The following NSD3 variants were observed in gnomAD, a reference collection of about 807,000 sequenced individuals.
NSD3 encodes nuclear receptor binding SET domain protein 3, also known as histone-lysine N-methyltransferase NSD3.
NSD3 carries 24 observed loss-of-function variants against 160.8 expected under a neutral mutation model. That is an observed-to-expected ratio of 0.15 (90% CI 0.11 to 0.21). The LOEUF (loss-of-function observed/expected upper bound fraction) is 0.21. NSD3 is among the 10% of genes least tolerant of loss of function. The pLI, the probability that NSD3 is intolerant of heterozygous loss-of-function variation, is 1.00. For synonymous variants in NSD3, 520 were observed against 600.0 expected (o/e 0.87, Z 1.95); for missense variants, 1,157 against 1,735.9 (o/e 0.67, Z 5.93).
intron 12 of NSD3, among the ~76,000 whole-genome samples, chr8:38,306,303 C>T (rs7839377): frequency 2.4e-4 from 36 of 151,822 alleles, no homozygotes; most frequent in Middle Eastern, 3.4e-3. Flanking sequence ...TTTAGATGAA[C>T]GGACAGATTC....
chr8:38,351,859 C>A (rs558912715), intron 1 of NSD3, among the ~76,000 whole-genome samples: 2 of 141,494 alleles, frequency 1.4e-5, no homozygotes, highest in Admixed American at 7.0e-5. Flanking sequence ...CATCACACAC[C>A]GGGGCCTGTT....
intron 16 of NSD3, among the ~76,000 whole-genome samples, chr8:38,293,814 T>C (rs1347591302): frequency 2.7e-5 from 4 of 148,578 alleles, no homozygotes; most frequent in Non-Finnish European, 5.9e-5. Context: ...TCCCAGCTAC[T>C]TGGGAGGCTG....
intron 1 of NSD3, among the ~76,000 whole-genome samples, chr8:38,357,307 C>T (rs1174353561): frequency 6.6e-6 from 1 of 151,988 alleles, no homozygotes; most frequent in Admixed American, 6.6e-5. Context: ...TAAAATCCTT[C>T]AATGGTTTCC....
At chr8:38,282,210 G>T (rs1469773168) in intron 19 of NSD3, among the ~76,000 whole-genome samples, 1 of 152,116 alleles carries the variant, frequency 6.6e-6, no homozygotes, top group Admixed American at 6.6e-5. Context: ...GTTTTAGCAG[G>T]CGTAGGATCA....
chr8:38,329,507 C>G lies in NSD3; in HGVS notation c.1452G>C (p.Thr484=). Reference sequence around the variant, plus strand: ...GCAAATCCAGGCTCCCTTTGTGCATCGTAATGGAAGCTGGTAAGGATTTCC... The same window carrying G: ...GCAAATCCAGGCTCCCTTTGTGCATGGTAATGGAAGCTGGTAAGGATTTCC... ...AARKSLPASI[T]MHKGSLDLQK... The change falls in exon 6 of 24, where the codon ACG becomes ACC. Residue 484 remains threonine (T), a synonymous_variant. Coordinates refer to ENST00000317025, the MANE Select transcript of NSD3 (RefSeq NM_023034.2). The surrounding 1 kb of genome is among the most constrained non-coding windows in gnomAD (Gnocchi z 4.8). 1 of 1,614,216 alleles carries G rather than the reference C, an allele frequency of 6.2e-7. No individual in the cohort carries two copies.
chr8:38,318,971 A>T lies in NSD3; in HGVS notation c.1810-31T>A. On this transcript the variant is annotated intron_variant, in intron 8 of 23. Coordinates refer to ENST00000317025, the MANE Select transcript of NSD3 (RefSeq NM_023034.2). The surrounding 1 kb of genome is among the most constrained non-coding windows in gnomAD (Gnocchi z 5.3). ...TGGACAGAAAAATACAGCATTAACA[A>T]AGAATTTTTTTCCCTTTTAATTATT... is the stretch of plus-strand genomic sequence containing the variant. 1 of 1,585,506 alleles carries T rather than the reference A, an allele frequency of 6.3e-7. No individual in the cohort carries two copies.
intron 1 of NSD3, among the ~76,000 whole-genome samples, chr8:38,368,401 T>C (rs910495301): frequency 2.0e-5 from 3 of 152,228 alleles, no homozygotes; most frequent in Admixed American, 2.0e-4. Context: ...AGGATGATGA[T>C]TAAAGACATT....
intron 1 of NSD3, 51 bp downstream of exon 1, chr8:38,381,746 GCA>G (rs58263746): frequency 0.2 from 28,998 of 144,526 alleles, 3,348 homozygotes; most frequent in South Asian, 0.37. Flanking sequence ...GCGCGCGCGC[GCA>G]CACACACACA....
intron 11 of NSD3, 80 bp from the exon 12 acceptor site, chr8:38,314,853 ACCGGGTC>A: frequency 6.8e-7 from 1 of 1,468,106 alleles, no homozygotes; most frequent in Non-Finnish European, 9.3e-7. Context: ...AACACAAATT[ACCGGGTC>A]CCTCACCCAC....
chr8:38,292,837 T>C (rs574268749), intron 16 of NSD3, among the ~76,000 whole-genome samples: 28 of 151,782 alleles, frequency 1.8e-4, no homozygotes, highest in Admixed American at 3.3e-4. Flanking sequence ...CCAGGCATCA[T>C]GGCATGCATC....
rs557248510 is a variant in NSD3 at position 38,364,409 on chromosome 8, C to T, written c.-44-16194G>A. ...TTGTCCCTGGACAACCAGGAAAAGC[C>T]ATTAGATTTTAATTGCTGGTAGGGT... On this transcript the variant is annotated intron_variant, in intron 1 of 23. Transcript: ENST00000317025. 2.0e-5 allele frequency among the ~76,000 whole-genome samples: 3 copies of T among 152,286 alleles called. No individual in the cohort carries two copies. In the South Asian group the frequency reaches 6.2e-4, roughly 32 times the overall value.
chr8:38,281,582 C>A lies in NSD3; in HGVS notation c.3503G>T (p.Gly1168Val). 6.3e-7 allele frequency: 1 copy of A among 1,591,680 alleles called. No homozygotes were observed. Among genetic ancestry groups the A allele is most frequent in the Non-Finnish European group, 8.6e-7 (1 of 1,168,552 alleles). The change falls in exon 20 of 24, where the codon GGT (glycine) becomes GTT (valine). Residue 1168 changes from glycine to valine, a missense_variant and splice_region_variant. This residue lies in a region of NSD3 where 222 missense variants were observed against 409.9 expected (regional missense o/e 0.54). Coordinates refer to ENST00000317025, the MANE Select transcript of NSD3 (RefSeq NM_023034.2). ...ACCGACGTATTCATTTACAAATTCA[C>A]CCTGGAGATAAATGTGCAATATGTA... ...GLRTKRSIKKGEFVNEYVGEL... is the reference protein window; with the variant it reads ...GLRTKRSIKKVEFVNEYVGEL...
intron 12 of NSD3, 139 bp from the exon 13 acceptor site, chr8:38,305,584 T>A: frequency 1.4e-6 from 1 of 714,700 alleles, no homozygotes; most frequent in Non-Finnish European, 2.2e-6. Context: ...AAAAAAAATT[T>A]AAAATAAATG....
chr8:38,357,166 A>T, intron 1 of NSD3, among the ~76,000 whole-genome samples: 1 of 148,888 alleles, frequency 6.7e-6, no homozygotes. Flanking sequence ...TGATATCATT[A>T]TTTAAGCATT....
chr8:38,310,542 T>C (rs1222065207), intron 12 of NSD3, among the ~76,000 whole-genome samples: 9 of 152,048 alleles, frequency 5.9e-5, no homozygotes, highest in Admixed American at 1.3e-4. Context: ...AGTCTCACTC[T>C]GGTTGCCCAG....
intron 4 of NSD3, among the ~76,000 whole-genome samples, chr8:38,333,311 A>G (rs1392962750): frequency 6.6e-6 from 1 of 152,188 alleles, no homozygotes; most frequent in African/African-American, 2.4e-5. Context: ...CATTTTGCCT[A>G]TTTGTTAGCA....
At chr8:38,306,383 TA>T (rs1285306062) in intron 12 of NSD3, among the ~76,000 whole-genome samples, 1 of 151,840 alleles carries the variant, frequency 6.6e-6, no homozygotes, top group African/African-American at 2.4e-5. Context: ...TGTAAACTAT[TA>T]AAAGAAATTG....
chr8:38,373,419 T>C lies in NSD3; in HGVS notation c.-45+8380A>G, dbSNP rs535745801. On this transcript the variant is annotated intron_variant, in intron 1 of 23. Coordinates refer to ENST00000317025, the MANE Select transcript of NSD3 (RefSeq NM_023034.2). Reference sequence around the variant, plus strand: ...TTTTCACTTCCTAATTATTTGTTTATACTGTACATTCAAGTTTTATATGCT... The same window carrying C: ...TTTTCACTTCCTAATTATTTGTTTACACTGTACATTCAAGTTTTATATGCT... 3.9e-5 allele frequency among the ~76,000 whole-genome samples: 6 copies of C among 152,300 alleles called. No individual in the cohort carries two copies. The South Asian group carries it at 1.0e-3, about 26-fold the overall frequency.
Position 38,347,641 on chromosome 8 carries a change from T to A in NSD3, c.531A>T (p.Leu177Phe), listed in dbSNP as rs1315955846. The change falls in exon 2 of 24, where the codon TTA (leucine) becomes TTT (phenylalanine). Residue 177 changes from leucine to phenylalanine, a missense_variant. Leu to Phe is a conservative substitution (Grantham distance 22). Around this residue, in one of 10 missense-constraint regions of NSD3, gnomAD observed 99 missense variants for 151.8 expected, o/e 0.65. Transcript: ENST00000317025. The stretch of plus-strand genomic sequence containing the variant: ...TGTGCTCACTTGCCTGTACTTCATT[T>A]AAAAGGTCTCCACAAAGGGAAGACT... ...LFESSLCGDL[L>F]NEVQASEHTK... is the part of the protein sequence containing the mutation. 1 of 1,613,662 alleles carries A rather than the reference T, an allele frequency of 6.2e-7. No homozygotes were observed. Among genetic ancestry groups the A allele is most frequent in the Non-Finnish European group, 8.5e-7 (1 of 1,180,042 alleles).
Sources: allele counts gnomAD v4.1 joint callset (sites outside exome capture counted in the v4.1 genomes callset), GRCh38; gene constraint gnomAD v4.1.1; regional missense constraint gnomAD v4.1.1; non-coding constraint Gnocchi (gnomAD v3.1); transcripts MANE v1.5; gene names NCBI Gene and HGNC (gene_info 2026-07-23, HGNC 2026-07-21).